NUDT12: variants seen among roughly 807,000 people sequenced by gnomAD.
The protein encoded by NUDT12 is NAD-capped RNA hydrolase NUDT12.
Under a neutral mutation model 45.7 loss-of-function variants are expected in NUDT12, and 42 were observed. The observed-to-expected ratio is 0.92, with a 90% CI of 0.72 to 1.19. The LOEUF is 1.19. Among genes scored for constraint, NUDT12 ranks in the 50% most tolerant of loss-of-function variants. The pLI, the probability that NUDT12 is intolerant of heterozygous loss-of-function variation, is 0.00. For synonymous variants in NUDT12, 206 were observed against 179.7 expected, an observed-to-expected ratio of 1.15 and a Z score of -1.17; for missense variants, 590 against 533.1, an observed-to-expected ratio of 1.11 and a Z score of -1.05.
rs1413932482 is a variant in NUDT12, at chr5:103,549,610, A to G, written c.*1251T>C. 2.0e-5 allele frequency: 3 copies of G among 151,986 alleles called. No individual in the cohort carries two copies. In the East Asian group the frequency reaches 5.8e-4, roughly 29 times the overall value. 9.4% of individuals were successfully genotyped at this position (151,986 alleles called of 1,614,324 possible). A position where few individuals can be genotyped will look rare whatever the true frequency, so the allele number is the denominator to read the frequency against. ...TAATTAGGTAAATTCACCTTTCACA[A>G]TTTCTTTTTCCTTATCTATAAAATA... On this transcript the variant is annotated 3_prime_UTR_variant, in exon 7 of 7. Coordinates refer to ENST00000230792, the MANE Select transcript of NUDT12 (RefSeq NM_031438.4).
At chr5:103,553,286 A>C (rs957309365) in intron 5 of NUDT12, among the ~76,000 whole-genome samples, 1 of 152,128 alleles carries the variant, frequency 6.6e-6, no homozygotes, top group Non-Finnish European at 1.5e-5. Flanking sequence ...GAATTCTTAA[A>C]ATGAATAAAA....
chr5:103,558,917 G>A lies in NUDT12; in HGVS notation c.758C>T (p.Pro253Leu). 1 of 1,605,732 alleles carries A rather than the reference G, an allele frequency of 6.2e-7. No homozygotes were observed. The highest frequency in any genetic ancestry group is 8.5e-7 in the Non-Finnish European group (1 of 1,176,646). The change falls in exon 3 of 7, where the codon CCT becomes CTT. Residue 253 changes from proline (P) to leucine (L), a missense_variant. By Grantham distance (98) the Pro-to-Leu change is moderately conservative. Coordinates refer to ENST00000230792, the MANE Select transcript of NUDT12 (RefSeq NM_031438.4). ...TTTCAATTGCAGAAGGGCTGGCATAGGAGGATGAAGAAAGTAACAATTTTC... is the reference window on the plus strand; with the variant it reads ...TTTCAATTGCAGAAGGGCTGGCATAAGAGGATGAAGAAAGTAACAATTTTC... ...RHENCYFLHP[P>L]MPALLQLKEK... is the part of the protein sequence containing the mutation.
intron 3 of NUDT12, 144 bp downstream of exon 3, chr5:103,558,735 G>GTCGCCGT: frequency 1.7e-6 from 1 of 582,820 alleles, no homozygotes; most frequent in Admixed American, 3.3e-5. Flanking sequence ...CCTAGGGTGA[G>GTCGCCGT]AACTTTAAGA....
At chr5:103,558,747 G>T in intron 3 of NUDT12, 132 bp downstream of exon 3, 1 of 617,348 alleles carries the variant, frequency 1.6e-6, no homozygotes, top group Non-Finnish European at 2.8e-6. Flanking sequence ...ACTTTAAGAA[G>T]TTTCTGATGA....
intron 5 of NUDT12, among the ~76,000 whole-genome samples, chr5:103,552,659 T>C (rs1027762071): frequency 3.3e-5 from 5 of 152,208 alleles, no homozygotes; most frequent in Non-Finnish European, 5.9e-5. Context: ...ATTTGTCAGT[T>C]ACATTTTAAA....
chr5:103,558,581 A>C (rs986074716), intron 3 of NUDT12, among the ~76,000 whole-genome samples: 2 of 152,110 alleles, frequency 1.3e-5, no homozygotes, highest in African/African-American at 4.8e-5. Flanking sequence ...AAAACAGTCA[A>C]AGTCTTTGCC....
chr5:103,559,994 A>G lies in NUDT12; in HGVS notation c.206+49T>C, dbSNP rs755102846. ...AAATTTTAAAGTAAATATGTAACAA[A>G]GAAATTAAACCACAAACCCTTTCAG... On this transcript the variant is annotated intron_variant, in intron 2 of 6. Coordinates refer to ENST00000230792, the MANE Select transcript of NUDT12 (RefSeq NM_031438.4). 5 of 1,323,148 alleles carry G rather than the reference A, an allele frequency of 3.8e-6. No individual in the cohort carries two copies. In the East Asian group the frequency reaches 1.2e-4, roughly 31 times the overall value. 82.0% of individuals were successfully genotyped at this position (1,323,148 alleles called of 1,614,324 possible). A position where few individuals can be genotyped will look rare whatever the true frequency, so the allele number is the denominator to read the frequency against.
rs763015225 is a variant in NUDT12 at position 103,552,436 on chromosome 5, G to C, written c.1079-20C>G. ...TCTCTCCTAATGAAATGGAGCAAAAGAACAAGTTGCTGATGAACATGCCCG... is the reference window on the plus strand; with the variant it reads ...TCTCTCCTAATGAAATGGAGCAAAACAACAAGTTGCTGATGAACATGCCCG... On this transcript the variant is annotated intron_variant, in intron 5 of 6. Coordinates refer to ENST00000230792, the MANE Select transcript of NUDT12 (RefSeq NM_031438.4). The C allele has an allele frequency of 3.8e-6, 6 of 1,593,652 alleles. No individual in the cohort carries two copies. Among genetic ancestry groups the C allele is most frequent in the Non-Finnish European group, 5.2e-6 (6 of 1,162,026 alleles).
Position 103,550,960 on chromosome 5 carries a change from AACATCCAGG to A in NUDT12, c.1281_1289del (p.Asp429_Leu431del), listed in dbSNP as rs1274805933. 10 of 1,613,298 alleles carry A rather than the reference AACATCCAGG, an allele frequency of 6.2e-6. No homozygotes were observed. The highest frequency in any genetic ancestry group is 2.2e-5 in the South Asian group (2 of 91,072). On this transcript the variant is annotated inframe_deletion and splice_region_variant, in exon 7 of 7. Coordinates refer to ENST00000230792, the MANE Select transcript of NUDT12 (RefSeq NM_031438.4). ...ATGCCTGCTGCTTCCCTTTGGTCAGAACATCCAGGACCTAAAACACACCATAATAGAATG... is the reference window on the plus strand; with the variant it reads ...ATGCCTGCTGCTTCCCTTTGGTCAGAACCTAAAACACACCATAATAGAATG...
In NUDT12 at chr5:103,559,200, A is replaced by G; in HGVS notation, c.475T>C (p.Leu159=). The G allele has an allele frequency of 1.3e-6, 2 of 1,556,458 alleles. No homozygotes were observed. The highest frequency in any genetic ancestry group is 4.5e-5 in the East Asian group (2 of 44,406). ...TCTTTATTGCCACCTAGAGTAACCA[A>G]GGGATTTAAATCTGAGAAAAGAATA... ...VFILFSDLNP[L]VTLGGNKESF... Residue 159 remains leucine, a synonymous_variant, in exon 3 of 7, where the codon TTG becomes CTG. Transcript: ENST00000230792.
chr5:103,559,495 G>T (rs753797652), intron 2 of NUDT12, 27 bp from the exon 3 acceptor site: 5 of 1,260,086 alleles, frequency 4.0e-6, no homozygotes, highest in Non-Finnish European at 4.2e-6. Flanking sequence ...AAATTGGGGA[G>T]AAAAAGTAAA....
At chr5:103,559,612 T>G in intron 2 of NUDT12, 144 bp from the exon 3 acceptor site, 1 of 478,886 alleles carries the variant, frequency 2.1e-6, no homozygotes, top group South Asian at 5.8e-5. Context: ...TTTTGTTACA[T>G]AGTTTACTAT....
At position 103,550,768 on chromosome 5, in the gene NUDT12, C is replaced by A; in HGVS notation, c.*93G>T. The stretch of plus-strand genomic sequence containing the variant: ...CCCAACATCGTATTTTGTGTTGTGA[C>A]ACTCTCAAGAGTACTGAATAATCTC... On this transcript the variant is annotated 3_prime_UTR_variant, in exon 7 of 7. Coordinates refer to ENST00000230792, the MANE Select transcript of NUDT12 (RefSeq NM_031438.4). The A allele has an allele frequency of 1.3e-6, 1 of 798,160 alleles. No individual in the cohort carries two copies. The highest frequency in any genetic ancestry group is 1.8e-5 in the South Asian group (1 of 56,736). The allele number at this position is 798,160 out of a possible 1,614,324, so 49.4% of individuals were successfully genotyped here.
chr5:103,555,787 G>T, intron 4 of NUDT12, 144 bp downstream of exon 4: 1 of 483,532 alleles, frequency 2.1e-6, no homozygotes, highest in Non-Finnish European at 3.4e-6. Flanking sequence ...AATCATGAAA[G>T]TGTGTAACAC....
At chr5:103,559,583 AT>A in intron 2 of NUDT12, 115 bp from the exon 3 acceptor site, 1 of 525,500 alleles carries the variant, frequency 1.9e-6, no homozygotes. Flanking sequence ...CTTTTTAATG[AT>A]TACATAGATT....
chr5:103,560,054 C>A lies in NUDT12; in HGVS notation c.195G>T (p.Leu65=). 6.2e-7 allele frequency: 1 copy of A among 1,612,394 alleles called. No individual in the cohort carries two copies. The highest frequency in any genetic ancestry group is 1.1e-5 in the South Asian group (1 of 91,006). ...RNGHPEIVQF[L]LEKGCDRSIV... ...CCTAAAATGTTTACCCTTTCTCAAG[C>A]AGAAATTGGACTATCTCTGGGTGCC... is the stretch of plus-strand genomic sequence containing the variant. The change falls in exon 2 of 7, where the codon CTG becomes CTT. Residue 65 remains leucine, a synonymous_variant. Transcript: ENST00000230792.
Position 103,554,870 on chromosome 5 carries a change from T to C in NUDT12, c.965-17A>G, listed in dbSNP as rs767298231. 34 of 861,746 alleles carry C rather than the reference T, an allele frequency of 3.9e-5. No individual in the cohort carries two copies. The highest frequency in any genetic ancestry group is 9.1e-5 in the Admixed American group (4 of 43,966). 53.4% of individuals were successfully genotyped at this position (861,746 alleles called of 1,614,324 possible). Reference sequence around the variant, plus strand: ...CTACTGGATCTGTTGAAAAAAAAAATCAGATACATGAATGGCAGGAAAAAC... The same window carrying C: ...CTACTGGATCTGTTGAAAAAAAAAACCAGATACATGAATGGCAGGAAAAAC... On this transcript the variant is annotated splice_polypyrimidine_tract_variant and intron_variant, in intron 4 of 6. Transcript: ENST00000230792.
chr5:103,557,141 T>C (rs960746753), intron 3 of NUDT12, among the ~76,000 whole-genome samples: 1 of 151,472 alleles, frequency 6.6e-6, no homozygotes, highest in Non-Finnish European at 1.5e-5. Flanking sequence ...TATCATTTTC[T>C]TTAGGAGTAA....
At chr5:103,555,003 T>TA in intron 4 of NUDT12, 150 bp from the exon 5 acceptor site, 1 of 402,670 alleles carries the variant, frequency 2.5e-6, no homozygotes, top group Non-Finnish European at 4.5e-6. Context: ...CTTTCTGCCC[T>TA]AATGTAGCTG....
Sources: gnomAD v4.1 joint callset for allele counts (sites outside exome capture counted in the v4.1 genomes callset) on GRCh38, gnomAD v4.1.1 for gene constraint, MANE v1.5 for transcripts, NCBI Gene and HGNC (gene_info 2026-07-23, HGNC 2026-07-21) for gene names.